KCNB2: variants seen among roughly 807,000 people sequenced by gnomAD.
KCNB2 encodes the protein delayed rectifier potassium channel protein.
KCNB2 carries 15 observed loss-of-function variants against 61.5 expected under a neutral mutation model. The observed-to-expected ratio is 0.24, with a 90% CI of 0.16 to 0.38. KCNB2 has a LOEUF of 0.38. Ranked by LOEUF, KCNB2 falls within the 10% of genes least tolerant of loss-of-function variation. The probability of loss-of-function intolerance (pLI) is 1.00; values close to 1 mark genes in which losing one functional copy is unlikely to be tolerated. For missense variants in KCNB2, 828 were observed against 1,125.2 expected, an observed-to-expected ratio of 0.74 and a Z score of 3.78; for synonymous variants, 457 against 446.0, an observed-to-expected ratio of 1.02 and a Z score of -0.31.
intron 2 of KCNB2, among the ~76,000 whole-genome samples, chr8:72,714,066 G>A (rs1042138765): frequency 6.6e-6 from 1 of 152,154 alleles, no homozygotes; most frequent in Non-Finnish European, 1.5e-5. Context: ...ATCAGCAATG[G>A]AAGACGAAAT....
At chr8:72,717,427 A>G (rs1472768653) in intron 2 of KCNB2, among the ~76,000 whole-genome samples, 1 of 150,344 alleles carries the variant, frequency 6.7e-6, no homozygotes, top group East Asian at 2.0e-4. Flanking sequence ...ACAAGGCTAC[A>G]GTAACCAAAA....
At chr8:72,911,205 T>A (rs997943634) in intron 2 of KCNB2, among the ~76,000 whole-genome samples, 5 of 152,230 alleles carry the variant, frequency 3.3e-5, no homozygotes, top group Non-Finnish European at 7.3e-5. Context: ...TAGATCCCAT[T>A]TCAGGGTCTT....
chr8:72,656,123 C>T (rs1806287388), intron 2 of KCNB2, among the ~76,000 whole-genome samples: 1 of 152,198 alleles, frequency 6.6e-6, no homozygotes, highest in Non-Finnish European at 1.5e-5. Flanking sequence ...CTTTTCTCCA[C>T]TTCTTCACCC....
At chr8:72,741,249 A>G (rs1807953636) in intron 2 of KCNB2, among the ~76,000 whole-genome samples, 1 of 152,136 alleles carries the variant, frequency 6.6e-6, no homozygotes, top group Non-Finnish European at 1.5e-5. Context: ...TGCAGTTTCT[A>G]GAATGTTCCA....
At chr8:72,900,111 C>A (rs2129006526) in intron 2 of KCNB2, among the ~76,000 whole-genome samples, 1 of 152,204 alleles carries the variant, frequency 6.6e-6, no homozygotes, top group Admixed American at 6.6e-5. Context: ...TACAAGGCTG[C>A]AGTAATCAAA....
intron 2 of KCNB2, among the ~76,000 whole-genome samples, chr8:72,721,438 C>A (rs898251286): frequency 1.1e-4 from 16 of 152,210 alleles, no homozygotes; most frequent in African/African-American, 3.9e-4. Flanking sequence ...AGCAAGAAAT[C>A]TGGTAAATAA....
intron 2 of KCNB2, chr8:72,619,185 A>G: frequency 7.1e-6 from 3 of 423,204 alleles, no homozygotes; most frequent in Non-Finnish European, 1.4e-5. Context: ...TTGAAAGATC[A>G]GATGTCGAAT....
At chr8:72,573,041 G>A (rs1806738976) in intron 2 of KCNB2, among the ~76,000 whole-genome samples, 1 of 152,100 alleles carries the variant, frequency 6.6e-6, no homozygotes, top group Non-Finnish European at 1.5e-5. Context: ...ACAGAGCCAG[G>A]GGTCCAAATT....
At chr8:72,664,014 T>C (rs1217003422) in intron 2 of KCNB2, among the ~76,000 whole-genome samples, 1 of 152,218 alleles carries the variant, frequency 6.6e-6, no homozygotes, top group Non-Finnish European at 1.5e-5. Context: ...TGAAAGCAGA[T>C]GTCAGGCCAT....
At chr8:72,613,331 C>G (rs1805568728) in intron 2 of KCNB2, among the ~76,000 whole-genome samples, 1 of 152,154 alleles carries the variant, frequency 6.6e-6, no homozygotes, top group South Asian at 2.1e-4. Context: ...CCTTAGGGAA[C>G]CTGCCACTAT....
intron 2 of KCNB2, among the ~76,000 whole-genome samples, chr8:72,781,881 T>A (rs1335643004): frequency 6.6e-6 from 1 of 152,166 alleles, no homozygotes; most frequent in African/African-American, 2.4e-5. Flanking sequence ...AAACACTGCA[T>A]GTTCTCGCTT....
intron 2 of KCNB2, among the ~76,000 whole-genome samples, chr8:72,805,911 C>T (rs1001444793): frequency 6.6e-6 from 1 of 152,128 alleles, no homozygotes; most frequent in African/African-American, 2.4e-5. Context: ...GTAGGAAGGG[C>T]ATTGGGCTGG....
At chr8:72,738,324 C>A (rs929141765) in intron 2 of KCNB2, among the ~76,000 whole-genome samples, 2 of 119,098 alleles carry the variant, frequency 1.7e-5, no homozygotes, top group Non-Finnish European at 3.6e-5. Context: ...TTGTGCCGAC[C>A]TTTAACTTAC....
intron 2 of KCNB2, among the ~76,000 whole-genome samples, chr8:72,649,652 A>T (rs2128986322): frequency 6.6e-6 from 1 of 152,304 alleles, no homozygotes; most frequent in Non-Finnish European, 1.5e-5. Flanking sequence ...GAGAATAGAT[A>T]CTTCCATGAT....
At chr8:72,872,571 G>A (rs1432592822) in intron 2 of KCNB2, among the ~76,000 whole-genome samples, 2 of 152,194 alleles carry the variant, frequency 1.3e-5, no homozygotes, top group Non-Finnish European at 2.9e-5. Context: ...AGAGGTTTCT[G>A]TGACTCTAAT....
intron 2 of KCNB2, among the ~76,000 whole-genome samples, chr8:72,603,968 C>T (rs57091661): frequency 5.3e-5 from 8 of 152,080 alleles, no homozygotes; most frequent in Admixed American, 1.3e-4. Context: ...ATTTTCCCCC[C>T]GAGCTTTCAG....
intron 2 of KCNB2, among the ~76,000 whole-genome samples, chr8:72,913,967 T>C (rs958189628): frequency 6.6e-6 from 1 of 152,170 alleles, no homozygotes; most frequent in Non-Finnish European, 1.5e-5. Context: ...GGGAAAAGGA[T>C]GTGTCTTAGT....
intron 2 of KCNB2, among the ~76,000 whole-genome samples, chr8:72,861,442 T>C (rs1268891965): frequency 1.3e-5 from 2 of 152,158 alleles, no homozygotes; most frequent in African/African-American, 4.8e-5. Context: ...CCGAGGCTGG[T>C]CTTGAGAGAT....
intron 2 of KCNB2, among the ~76,000 whole-genome samples, chr8:72,782,087 TC>T (rs1471176457): frequency 1.3e-5 from 2 of 152,102 alleles, no homozygotes; most frequent in African/African-American, 4.8e-5. Context: ...AACATGCACA[TC>T]CTGCACATGT....
Sources: allele counts gnomAD v4.1 joint callset (sites outside exome capture counted in the v4.1 genomes callset), GRCh38; gene constraint gnomAD v4.1.1; transcripts MANE v1.5; gene names NCBI Gene and HGNC (gene_info 2026-07-23, HGNC 2026-07-21).